LARP1B: variants seen among roughly 807,000 people sequenced by gnomAD.
LARP1B encodes the protein La ribonucleoprotein 1B.
In LARP1B, 76 loss-of-function variants were observed where a neutral mutation model predicts 114.2. The observed-to-expected ratio is 0.67, with a 90% CI of 0.55 to 0.81. The LOEUF (loss-of-function observed/expected upper bound fraction) is 0.81, where lower values mean the gene tolerates loss of function less well. Ranked by LOEUF, LARP1B falls within the 30% of genes least tolerant of loss-of-function variation. LARP1B has a pLI of 0.00. For missense variants in LARP1B, 1,014 were observed against 1,075.8 expected, an observed-to-expected ratio of 0.94 and a Z score of 0.80; for synonymous variants, 345 against 348.0, an observed-to-expected ratio of 0.99 and a Z score of 0.10.
chr4:128,091,559 C>A, intron 7 of LARP1B, 47 bp downstream of exon 7: 6 of 1,402,972 alleles, frequency 4.3e-6, no homozygotes, highest in Non-Finnish European at 4.8e-6. Flanking sequence ...AAATCTGTTG[C>A]AATATGAACT....
chr4:128,068,501 GT>G (rs1763945270), intron 1 of LARP1B, among the ~76,000 whole-genome samples: 1 of 151,946 alleles, frequency 6.6e-6, no homozygotes, highest in Non-Finnish European at 1.5e-5. Context: ...TTTTATTTTT[GT>G]TTTTTAAATT....
At chr4:128,155,079 A>T (rs1340612644) in intron 11 of LARP1B, among the ~76,000 whole-genome samples, 1 of 152,082 alleles carries the variant, frequency 6.6e-6, no homozygotes, top group Non-Finnish European at 1.5e-5. Context: ...CAGGCTACAA[A>T]TTTTTTTATA....
chr4:128,176,955 T>G (rs372079591), intron 13 of LARP1B, 48 bp downstream of exon 13: 129 of 1,519,124 alleles, frequency 8.5e-5, no homozygotes, highest in Non-Finnish European at 1.1e-4. Context: ...ATCCTTTGCA[T>G]TGGGTATACA....
chr4:128,164,559 T>A (rs761247478), intron 12 of LARP1B, among the ~76,000 whole-genome samples: 1 of 152,138 alleles, frequency 6.6e-6, no homozygotes, highest in African/African-American at 2.4e-5. Flanking sequence ...AGTTTCATAT[T>A]TGGGAAGACC....
At chr4:128,065,346 T>TC (rs1561013747) in intron 1 of LARP1B, among the ~76,000 whole-genome samples, 21 of 134,052 alleles carry the variant, frequency 1.6e-4, no homozygotes, top group African/African-American at 3.5e-4. Flanking sequence ...CTTTCTTTTC[T>TC]TTTCTTTTCT....
At chr4:128,122,438 GT>G (rs377102754) in intron 11 of LARP1B, 13,000 of 1,168,982 alleles carry the variant, frequency 0.011, no homozygotes, top group East Asian at 0.022. Context: ...TTATACCCTT[GT>G]TTTTTTTTTT....
intron 5 of LARP1B, among the ~76,000 whole-genome samples, chr4:128,084,441 A>T (rs1772434749): frequency 6.6e-6 from 1 of 152,256 alleles, no homozygotes; most frequent in Admixed American, 6.5e-5. Flanking sequence ...CGGCCAGCAC[A>T]GCGAAACCCC....
intron 9 of LARP1B, among the ~76,000 whole-genome samples, chr4:128,111,044 T>A (rs1267306675): frequency 8.1e-6 from 1 of 122,816 alleles, no homozygotes; most frequent in Non-Finnish European, 1.6e-5. Flanking sequence ...AAACTCATAA[T>A]TTTTTTTTTT....
chr4:128,152,453 C>T (rs762409866), intron 11 of LARP1B, among the ~76,000 whole-genome samples: 7 of 151,638 alleles, frequency 4.6e-5, no homozygotes, highest in Admixed American at 1.3e-4. Flanking sequence ...CCACCTGCCT[C>T]GGCCTCCCAA....
intron 11 of LARP1B, among the ~76,000 whole-genome samples, chr4:128,152,418 G>A (rs1733255546): frequency 6.6e-6 from 1 of 151,736 alleles, no homozygotes; most frequent in African/African-American, 2.4e-5. Context: ...TGGCCAGGAT[G>A]GTCTCGAACT....
rs567171834 is a variant in LARP1B, at chr4:128,083,498, G to A, written c.358+1193G>A. 5.2e-3 allele frequency among the ~76,000 whole-genome samples: 735 copies of A among 140,368 alleles called. 6 individuals are homozygous for A. The highest frequency in any genetic ancestry group is 0.018 in the African/African-American group (691 of 37,700). The allele number at this position is 140,368 out of a possible 152,430, so 92.1% of individuals were successfully genotyped here. Reference sequence around the variant, plus strand: ...GGAGAGGCTGGCCAGGCAGAGGGGCGCCTCACTTCCCAGTAGGGGCGGCCG... The same window carrying A: ...GGAGAGGCTGGCCAGGCAGAGGGGCACCTCACTTCCCAGTAGGGGCGGCCG... On this transcript the variant is annotated intron_variant, in intron 5 of 19. Transcript: ENST00000326639.
intron 4 of LARP1B, among the ~76,000 whole-genome samples, chr4:128,078,672 T>G (rs1768975213): frequency 6.6e-6 from 1 of 152,190 alleles, no homozygotes; most frequent in South Asian, 2.1e-4. Flanking sequence ...AATTACACTT[T>G]GAAGGAATGA....
At chr4:128,160,564 TTAAAAA>T (rs551238247) in intron 11 of LARP1B, among the ~76,000 whole-genome samples, 14 of 152,184 alleles carry the variant, frequency 9.2e-5, no homozygotes, top group South Asian at 4.1e-4. Context: ...AATGAATTAG[TTAAAAA>T]TAAAAATAAA....
At chr4:128,200,774 A>G in intron 17 of LARP1B, 109 bp downstream of exon 17, 3 of 705,202 alleles carry the variant, frequency 4.3e-6, no homozygotes, top group Non-Finnish European at 6.8e-6. Flanking sequence ...AATTTTTAAA[A>G]CTAGTACTGA....
intron 7 of LARP1B, among the ~76,000 whole-genome samples, chr4:128,091,822 C>G (rs1214189869): frequency 2.6e-5 from 4 of 152,134 alleles, no homozygotes. Flanking sequence ...GTATTGAACT[C>G]CCGGCCTCAG....
At chr4:128,183,134 A>C (rs1403189955) in intron 15 of LARP1B, among the ~76,000 whole-genome samples, 7 of 152,216 alleles carry the variant, frequency 4.6e-5, no homozygotes, top group Admixed American at 2.6e-4. Context: ...TAAGATAATA[A>C]AAGTGGCTAC....
chr4:128,121,637 T>C lies in LARP1B; in HGVS notation c.1162-189T>C, dbSNP rs191524151. ...ATGTAATCCTTTCTTTATTCAACTT[T>C]GTGTTTTTCTTTAGTCTTAAATTTA... is the stretch of plus-strand genomic sequence containing the variant. On this transcript the variant is annotated intron_variant, in intron 10 of 19. Transcript: ENST00000326639. Among the ~76,000 whole-genome samples the C allele has an allele frequency of 5.6e-4, 85 of 152,398 alleles. 1 individual carries two copies. In the East Asian group the frequency reaches 0.014, roughly 25 times the overall value.
intron 11 of LARP1B, among the ~76,000 whole-genome samples, chr4:128,151,878 A>G (rs1561421795): frequency 6.6e-6 from 1 of 152,174 alleles, no homozygotes. Flanking sequence ...TGCTGGGATT[A>G]CAGGTGTGAG....
chr4:128,091,391 A>G lies in LARP1B; in HGVS notation c.547A>G (p.Thr183Ala). ...SYGYQEHGER[T>A]DQPFQTELNT... The stretch of plus-strand genomic sequence containing the variant: ...TGGTTATCAAGAACATGGTGAAAGG[A>G]CTGATCAACCATTTCAAACAGAACT... Residue 183 changes from threonine to alanine, a missense_variant, in exon 7 of 20, where the codon ACT (threonine) becomes GCT (alanine). Transcript: ENST00000326639. The G allele has an allele frequency of 6.2e-7, 1 of 1,612,552 alleles. No homozygotes were observed. Among genetic ancestry groups the G allele is most frequent in the Non-Finnish European group, 8.5e-7 (1 of 1,178,798 alleles).
Sources: gnomAD v4.1 joint callset for allele counts (sites outside exome capture counted in the v4.1 genomes callset) on GRCh38, gnomAD v4.1.1 for gene constraint, MANE v1.5 for transcripts, NCBI Gene and HGNC (gene_info 2026-07-23, HGNC 2026-07-21) for gene names.